The following INPP5D variants were observed in gnomAD, a reference collection of about 807,000 sequenced individuals.
INPP5D encodes phosphatidylinositol 3,4,5-trisphosphate 5-phosphatase 1.
In INPP5D, 33 loss-of-function variants were observed where a neutral mutation model predicts 122.9. The ratio of observed to expected loss-of-function variants is 0.27; its 90% CI spans 0.20 to 0.36. The LOEUF is 0.36. Ranked by LOEUF, INPP5D falls within the 10% of genes least tolerant of loss-of-function variation. INPP5D has a pLI of 1.00. For synonymous variants in INPP5D, 584 were observed against 576.2 expected, an observed-to-expected ratio of 1.01 and a Z score of -0.19; for missense variants, 1,053 against 1,412.7, an observed-to-expected ratio of 0.75 and a Z score of 4.08.
At chr2:233,088,553 C>T (rs186695674) in intron 2 of INPP5D, among the ~76,000 whole-genome samples, 229 of 152,352 alleles carry the variant, frequency 1.5e-3, no homozygotes, top group Non-Finnish European at 2.5e-3. Flanking sequence ...GCTTCTGTTT[C>T]CTCCTCAGAA....
chr2:233,183,733 T>C lies in INPP5D; in HGVS notation c.2162-675T>C, dbSNP rs988672109. ...GCATCTACCTAAGCCAAGCCTGGAC[T>C]GGGCACTGTGGGATTTAGAAAGAGA... On this transcript the variant is annotated intron_variant, in intron 19 of 26. Transcript: ENST00000445964. The surrounding 1 kb of genome is among the most constrained non-coding windows in gnomAD (Gnocchi z 4.6). Among the ~76,000 whole-genome samples the C allele has an allele frequency of 6.6e-6, 1 of 152,180 alleles. No homozygotes were observed. Among genetic ancestry groups the C allele is most frequent in the Non-Finnish European group, 1.5e-5 (1 of 68,034 alleles).
At chr2:233,179,564 C>T (rs1422362636) in intron 18 of INPP5D, among the ~76,000 whole-genome samples, 3 of 152,232 alleles carry the variant, frequency 2.0e-5, no homozygotes, top group Non-Finnish European at 4.4e-5. Flanking sequence ...GCCCCCACCT[C>T]CGGGCCCGGA....
At chr2:233,149,100 C>CTTTTTT (rs556971192) in intron 9 of INPP5D, among the ~76,000 whole-genome samples, 1 of 106,040 alleles carries the variant, frequency 9.4e-6, no homozygotes, top group Admixed American at 1.1e-4. Flanking sequence ...TGATCAGCAC[C>CTTTTTT]TTTTTTTTTT....
chr2:233,072,451 G>T (rs187880500), intron 1 of INPP5D, among the ~76,000 whole-genome samples: 1 of 152,170 alleles, frequency 6.6e-6, no homozygotes, highest in African/African-American at 2.4e-5. Flanking sequence ...ATTCATAGTT[G>T]AGGTTGATTT....
chr2:233,062,262 T>G (rs1462793551), intron 1 of INPP5D, among the ~76,000 whole-genome samples: 1 of 152,222 alleles, frequency 6.6e-6, no homozygotes, highest in Non-Finnish European at 1.5e-5. Flanking sequence ...CACAGCCCTT[T>G]GACCAGGGCT....
At chr2:233,186,512 T>C (rs1574795968) in intron 21 of INPP5D, among the ~76,000 whole-genome samples, 1 of 151,584 alleles carries the variant, frequency 6.6e-6, no homozygotes, top group Non-Finnish European at 1.5e-5. Flanking sequence ...ATAGAAAAAA[T>C]GGTTTTCTGG....
At chr2:233,168,447 A>G (rs140196557) in intron 13 of INPP5D, among the ~76,000 whole-genome samples, 1 of 152,350 alleles carries the variant, frequency 6.6e-6, no homozygotes, top group African/African-American at 2.4e-5. Flanking sequence ...AGCGTTTTCC[A>G]TAGAAGGCCA....
intron 10 of INPP5D, among the ~76,000 whole-genome samples, chr2:233,159,628 A>G (rs1396308055): frequency 7.1e-6 from 1 of 140,700 alleles, no homozygotes; most frequent in Non-Finnish European, 1.5e-5. Context: ...CAGGAGTTTG[A>G]GGCTGCAGTG....
chr2:233,201,430 G>A (rs913597572), intron 25 of INPP5D, among the ~76,000 whole-genome samples: 2 of 152,182 alleles, frequency 1.3e-5, no homozygotes, highest in Admixed American at 1.3e-4. Context: ...TGCCATCCAC[G>A]GGCAAGGGGC....
At chr2:233,159,473 C>T (rs1435471681) in intron 10 of INPP5D, among the ~76,000 whole-genome samples, 1 of 151,074 alleles carries the variant, frequency 6.6e-6, no homozygotes, top group Non-Finnish European at 1.5e-5. Flanking sequence ...TGAGGCGGGA[C>T]GGTTGCCCGA....
intron 1 of INPP5D, among the ~76,000 whole-genome samples, chr2:233,077,244 C>A (rs1012831773): frequency 6.6e-6 from 1 of 152,118 alleles, no homozygotes; most frequent in Non-Finnish European, 1.5e-5. Context: ...AACTTACTTA[C>A]AAACAGGAAT....
Position 233,204,596 on chromosome 2 carries a change from C to G in INPP5D, c.3446C>G (p.Ala1149Gly), listed in dbSNP as rs375825105. 1,222 of 1,568,892 alleles carry G rather than the reference C, an allele frequency of 7.8e-4. 1 individual carries two copies. Among genetic ancestry groups the G allele is most frequent in the Non-Finnish European group, 9.8e-4 (1,139 of 1,158,378 alleles). The change falls in exon 26 of 27, where the codon GCG becomes GGG. Residue 1149 changes from alanine (A) to glycine (G), a missense_variant. Around this residue, in one of 6 missense-constraint regions of INPP5D, gnomAD observed 417 missense variants for 425.8 expected, o/e 0.98. Transcript: ENST00000445964. ...PRPPLPVKSP[A>G]VLHLQHSKGR... ...CCGCCGCTGCCAGTCAAGAGCCCGG[C>G]GGTGCTGCACCTCCAGCACTCCAAG...
At chr2:233,075,102 A>T (rs1180317520) in intron 1 of INPP5D, among the ~76,000 whole-genome samples, 1 of 151,908 alleles carries the variant, frequency 6.6e-6, no homozygotes, top group East Asian at 1.9e-4. Context: ...TTGCCTCCAC[A>T]CTCAGCACAG....
At chr2:233,185,745 G>C (rs1694895941) in intron 20 of INPP5D, 98 bp from the exon 21 acceptor site, 11 of 1,009,186 alleles carry the variant, frequency 1.1e-5, no homozygotes, top group African/African-American at 1.7e-5. Context: ...AAAGGAGAGA[G>C]CACATCTTCC....
intron 14 of INPP5D, 166 bp downstream of exon 14, chr2:233,169,567 C>A: frequency 9.6e-7 from 1 of 1,044,674 alleles, no homozygotes; most frequent in Non-Finnish European, 1.4e-6. Context: ...AACTGCAGCA[C>A]CATAGTGACC....
chr2:233,191,125 TCA>T (rs1449257443), intron 22 of INPP5D, among the ~76,000 whole-genome samples: 6 of 152,160 alleles, frequency 3.9e-5, no homozygotes, highest in Non-Finnish European at 7.3e-5. Flanking sequence ...TGTAATTGAC[TCA>T]CAGTTCTGCA....
chr2:233,111,035 C>T (rs1692612092), intron 2 of INPP5D, among the ~76,000 whole-genome samples: 1 of 152,050 alleles, frequency 6.6e-6, no homozygotes, highest in South Asian at 2.1e-4. Context: ...TTCCTGTATA[C>T]CCTCTGCTTT....
chr2:233,166,587 ACCTTCCCCT>A (rs368030476), intron 13 of INPP5D, among the ~76,000 whole-genome samples: 284 of 151,976 alleles, frequency 1.9e-3, no homozygotes, highest in African/African-American at 6.1e-3. Context: ...GCTCACACAC[ACCTTCCCCT>A]CCTTCCCCTC....
chr2:233,205,413 G>A (rs1695472446), intron 26 of INPP5D: 1 of 151,440 alleles, frequency 6.6e-6, no homozygotes, highest in South Asian at 2.1e-4. Context: ...CCAGGCTAGA[G>A]TCCAGTGGTG....
Sources: gnomAD v4.1 joint callset for allele counts (sites outside exome capture counted in the v4.1 genomes callset) on GRCh38, gnomAD v4.1.1 for gene constraint, gnomAD v4.1.1 regional missense constraint, Gnocchi (gnomAD v3.1) non-coding constraint, MANE v1.5 for transcripts, NCBI Gene and HGNC (gene_info 2026-07-23, HGNC 2026-07-21) for gene names.